Variants in DGCR2 observed in about 807,000 individuals in gnomAD.
DGCR2 encodes the protein DiGeorge syndrome critical region gene 2, also known as integral membrane protein DGCR2/IDD.
In DGCR2, 24 loss-of-function variants were observed where a neutral mutation model predicts 51.6. The observed-to-expected ratio is 0.47, with a 90% CI of 0.34 to 0.65. The LOEUF is 0.65. Among genes scored for constraint, DGCR2 ranks in the 30% least tolerant of loss-of-function variants. DGCR2 has a pLI of 0.01. For missense variants in DGCR2, 765 were observed against 772.1 expected (o/e 0.99, Z 0.11); for synonymous variants, 340 against 315.4 (o/e 1.08, Z -0.82).
chr22:19,070,378 C>A (rs1204801389), intron 2 of DGCR2, among the ~76,000 whole-genome samples: 1 of 152,188 alleles, frequency 6.6e-6, no homozygotes, highest in Admixed American at 6.5e-5. Flanking sequence ...CTGAGTGTGG[C>A]TGGAGAATGT....
At chr22:19,056,339 A>C in intron 6 of DGCR2, 2 of 242,744 alleles carry the variant, frequency 8.2e-6, no homozygotes, top group Non-Finnish European at 1.6e-5. Flanking sequence ...AAAGAGGACC[A>C]CCGTCAACAA....
intron 9 of DGCR2, among the ~76,000 whole-genome samples, 177 bp downstream of exon 9, chr22:19,040,881 G>C (rs1393160073): frequency 6.6e-6 from 1 of 152,198 alleles, no homozygotes; most frequent in Non-Finnish European, 1.5e-5. Context: ...GCCAGGCAGG[G>C]AGATCAGGAC....
At chr22:19,110,418 G>A (rs1035999352) in intron 1 of DGCR2, among the ~76,000 whole-genome samples, 1 of 152,150 alleles carries the variant, frequency 6.6e-6, no homozygotes, top group African/African-American at 2.4e-5. Flanking sequence ...GCCTGCTGAA[G>A]CTATGGGAAG....
At position 19,038,673 on chromosome 22, in the gene DGCR2, G is replaced by T; in HGVS notation, c.*192C>A. ...GCATGTTTCTGAAGCCCTCAAGGAA[G>T]CTCGGTGCAGGCCATCACTTCTTTT... On this transcript the variant is annotated 3_prime_UTR_variant, in exon 10 of 10. Coordinates refer to ENST00000263196, the MANE Select transcript of DGCR2 (RefSeq NM_005137.3). The T allele has an allele frequency of 1.5e-6, 1 of 685,356 alleles. No homozygotes were observed. The highest frequency in any genetic ancestry group is 2.4e-6 in the Non-Finnish European group (1 of 411,266). The allele number at this position is 685,356 out of a possible 1,614,324, so 42.5% of individuals were successfully genotyped here. A position where few individuals can be genotyped will look rare whatever the true frequency, so the allele number is the denominator to read the frequency against.
At chr22:19,109,396 C>A (rs2083291918) in intron 1 of DGCR2, among the ~76,000 whole-genome samples, 2 of 152,142 alleles carry the variant, frequency 1.3e-5, no homozygotes, top group Admixed American at 1.3e-4. Flanking sequence ...GTGGAAGCGA[C>A]CCAGGTGTAC....
chr22:19,077,502 A>G (rs2082891311), intron 2 of DGCR2, among the ~76,000 whole-genome samples: 1 of 152,236 alleles, frequency 6.6e-6, no homozygotes, highest in Admixed American at 6.5e-5. Flanking sequence ...ACTGTATGCA[A>G]GGACTTATTG....
chr22:19,086,787 A>G (rs1204779378), intron 2 of DGCR2, among the ~76,000 whole-genome samples: 2 of 152,214 alleles, frequency 1.3e-5, no homozygotes, highest in African/African-American at 4.8e-5. Flanking sequence ...CTTCAAGCCA[A>G]TACTCAAGTG....
chr22:19,053,033 A>C (rs2082566046), intron 6 of DGCR2, among the ~76,000 whole-genome samples: 1 of 152,224 alleles, frequency 6.6e-6, no homozygotes, highest in Admixed American at 6.5e-5. Flanking sequence ...TTTTGAGTCC[A>C]TACTTCCAAC....
intron 2 of DGCR2, among the ~76,000 whole-genome samples, chr22:19,071,756 T>C (rs2082817944): frequency 6.6e-6 from 1 of 152,224 alleles, no homozygotes. Context: ...AATCTGAATA[T>C]GGATTACACA....
intron 6 of DGCR2, among the ~76,000 whole-genome samples, chr22:19,048,992 G>GC (rs2082520566): frequency 6.6e-6 from 1 of 152,158 alleles, no homozygotes; most frequent in African/African-American, 2.4e-5. Flanking sequence ...TGGATCTCTG[G>GC]CCCATGGCAC....
chr22:19,089,018 A>C (rs564617651), intron 2 of DGCR2, among the ~76,000 whole-genome samples: 13 of 152,228 alleles, frequency 8.5e-5, no homozygotes, highest in Non-Finnish European at 1.6e-4. Context: ...CCACATCCAG[A>C]GCCAGGATGG....
intron 5 of DGCR2, chr22:19,061,828 C>A (rs2082666464): frequency 6.6e-6 from 1 of 152,192 alleles, no homozygotes. Context: ...TTGAGCCACA[C>A]AAATAGGGAG....
chr22:19,117,081 G>A (rs2083381033), intron 1 of DGCR2, among the ~76,000 whole-genome samples: 1 of 152,060 alleles, frequency 6.6e-6, no homozygotes, highest in Non-Finnish European at 1.5e-5. Context: ...GACACACACA[G>A]ATCACTCACC....
intron 4 of DGCR2, 27 bp downstream of exon 4, chr22:19,064,821 C>G (rs1221433473): frequency 6.2e-7 from 1 of 1,603,138 alleles, no homozygotes. Flanking sequence ...TGACTCCAGC[C>G]CCTCAGGTCC....
At chr22:19,096,336 C>G (rs1483742947) in intron 1 of DGCR2, among the ~76,000 whole-genome samples, 1 of 152,050 alleles carries the variant, frequency 6.6e-6, no homozygotes, top group Non-Finnish European at 1.5e-5. Flanking sequence ...TAGTGGTTAC[C>G]AGAGGCTGGG....
intron 2 of DGCR2, among the ~76,000 whole-genome samples, chr22:19,087,141 A>G (rs2083025793): frequency 6.6e-6 from 1 of 152,116 alleles, no homozygotes. Flanking sequence ...GGTCGTCCCC[A>G]GGCTGACCAA....
At chr22:19,112,246 C>T (rs1256914350) in intron 1 of DGCR2, among the ~76,000 whole-genome samples, 2 of 149,398 alleles carry the variant, frequency 1.3e-5, no homozygotes, top group Non-Finnish European at 1.5e-5. Context: ...GCACTCCAGC[C>T]TAGGTGACAC....
chr22:19,063,175 A>C, intron 5 of DGCR2, 27 bp downstream of exon 5: 3 of 1,610,752 alleles, frequency 1.9e-6, no homozygotes, highest in South Asian at 2.2e-5. Flanking sequence ...CCAGCTTCAA[A>C]CACTCCCACA....
intron 1 of DGCR2, among the ~76,000 whole-genome samples, chr22:19,098,494 T>C (rs895949400): frequency 3.3e-5 from 5 of 152,314 alleles, no homozygotes; most frequent in African/African-American, 1.2e-4. Flanking sequence ...CCAATAAAGC[T>C]TTAGCGAAAA....
Sources: gnomAD v4.1 joint callset for allele counts (sites outside exome capture counted in the v4.1 genomes callset) on GRCh38, gnomAD v4.1.1 for gene constraint, MANE v1.5 for transcripts, NCBI Gene and HGNC (gene_info 2026-07-23, HGNC 2026-07-21) for gene names.